The following SLC25A19 variants were observed in gnomAD, a reference collection of about 807,000 sequenced individuals.
The protein encoded by SLC25A19 is mitochondrial thiamine pyrophosphate carrier.
Under a neutral mutation model 27.9 loss-of-function variants are expected in SLC25A19, and 18 were observed. The ratio of observed to expected loss-of-function variants is 0.64; its 90% CI spans 0.45 to 0.96. SLC25A19 has a LOEUF of 0.96. SLC25A19 is among the 40% of genes least tolerant of loss of function. SLC25A19 has a pLI of 0.00. For synonymous variants in SLC25A19, 169 were observed against 167.1 expected (o/e 1.01, Z -0.09); for missense variants, 371 against 418.3 (o/e 0.89, Z 0.99).
At chr17:75,276,583 G>C (rs113551905) in intron 7 of SLC25A19, among the ~76,000 whole-genome samples, 17,329 of 148,986 alleles carry the variant, frequency 0.12, 3,004 homozygotes, top group African/African-American at 0.36. Flanking sequence ...GATCAGGCTG[G>C]TCTAGAACTC....
Position 75,284,633 on chromosome 17 carries a change from C to CATTTTT in SLC25A19, c.289-1041_289-1040insAAAAAT, listed in dbSNP as rs776356552. Among the ~76,000 whole-genome samples the CATTTTT allele has an allele frequency of 1.9e-4, 21 of 112,292 alleles. 8 individuals carry two copies. The highest frequency in any genetic ancestry group is 1.4e-4 in the Non-Finnish European group (8 of 55,872). 73.7% of individuals were successfully genotyped at this position (112,292 alleles called of 152,430 possible). A position where few individuals can be genotyped will look rare whatever the true frequency, so the allele number is the denominator to read the frequency against. On this transcript the variant is annotated intron_variant, in intron 4 of 7. Coordinates refer to ENST00000416858, the MANE Select transcript of SLC25A19 (RefSeq NM_001126121.2). ...GTGACCCCCTTACATTCAGATCTTT[C>CATTTTT]TTTTTTTTTTTTTTTTTTTTTTTTT...
intron 7 of SLC25A19, among the ~76,000 whole-genome samples, chr17:75,276,534 A>ATTTTTTTGT (rs879613731): frequency 0.016 from 2,367 of 147,816 alleles, 63 homozygotes; most frequent in Middle Eastern, 0.043. Context: ...TACCCAGCTA[A>ATTTTTTTGT]TTTTTATATT....
rs376242750 is a variant in SLC25A19 at position 75,283,535 on chromosome 17, C to T, written c.347G>A (p.Arg116Gln). Residue 116 changes from arginine (R) to glutamine (Q), a missense_variant, in exon 5 of 8, where the codon CGG becomes CAG. Physicochemically the swap from Arg to Gln is conservative, Grantham distance 43 (BLOSUM62 1). Coordinates refer to ENST00000416858, the MANE Select transcript of SLC25A19 (RefSeq NM_001126121.2). Reference protein sequence around the residue: ...LVHRGSVYDAREFSVHFVCGG... With the variant: ...LVHRGSVYDAQEFSVHFVCGG... ...ACATACAAAGTGCACTGAGAATTCC[C>T]GGGCGTCATACACGCTGCCTCTGTG... is the stretch of plus-strand genomic sequence containing the variant. 3.7e-6 allele frequency: 6 copies of T among 1,613,644 alleles called. No homozygotes were observed. The highest frequency in any genetic ancestry group is 2.2e-5 in the East Asian group (1 of 44,870).
chr17:75,279,508 T>G (rs74357323), intron 5 of SLC25A19, among the ~76,000 whole-genome samples: 2 of 25,440 alleles, frequency 7.9e-5, no homozygotes, highest in African/African-American at 1.4e-4. Flanking sequence ...GCTATTATCT[T>G]TTTTTTTTTT....
chr17:75,286,400 C>T lies in SLC25A19; in HGVS notation c.192G>A (p.Gln64=), dbSNP rs770003602. Residue 64 remains glutamine (Q), a synonymous_variant, in exon 4 of 8, where the codon CAG becomes CAA. Transcript: ENST00000416858. Reference sequence around the variant, plus strand: ...CCTCCTGCAGAATCTGCCTAGAGGCCTGGAGGATGCCATGGTACTTTGCGC... The same window carrying T: ...CCTCCTGCAGAATCTGCCTAGAGGCTTGGAGGATGCCATGGTACTTTGCGC... ...DPSAKYHGIL[Q]ASRQILQEEG... The T allele has an allele frequency of 6.2e-7, 1 of 1,614,198 alleles. No homozygotes were observed. The highest frequency in any genetic ancestry group is 1.7e-5 in the Admixed American group (1 of 60,020).
chr17:75,278,451 C>T (rs930557297), intron 5 of SLC25A19, 116 bp from the exon 6 acceptor site: 20 of 1,150,076 alleles, frequency 1.7e-5, no homozygotes, highest in East Asian at 9.9e-5. Context: ...GAAACTCCTC[C>T]TGCCAGGAAG....
rs139923109 is a variant in SLC25A19 at position 75,286,786 on chromosome 17, T to C, written c.-22A>G. On this transcript the variant is annotated 5_prime_UTR_variant, in exon 3 of 8. Transcript: ENST00000416858. ...CCATCCCTGCCTCTGGCCCACACAA[T>C]GTCCATCAGTATCAAGCTAAATGCA... 113 of 1,613,984 alleles carry C rather than the reference T, an allele frequency of 7.0e-5. 3 individuals carry two copies. In the African/African-American group the frequency reaches 1.1e-3, roughly 16 times the overall value.
At chr17:75,283,365 C>T in intron 5 of SLC25A19, 58 bp downstream of exon 5, 1 of 1,519,936 alleles carries the variant, frequency 6.6e-7, no homozygotes. Flanking sequence ...AAGAATGCTA[C>T]CCCTGTGACA....
chr17:75,285,753 G>A (rs2078165105), intron 4 of SLC25A19, among the ~76,000 whole-genome samples: 1 of 152,250 alleles, frequency 6.6e-6, no homozygotes, highest in South Asian at 2.1e-4. Context: ...GCTTCCAACA[G>A]GGGCCTGGCC....
At position 75,273,263 on chromosome 17, in the gene SLC25A19, CCT is replaced by C. The variant is rs2077773538; in HGVS notation, c.*186_*187del. 8.1e-6 allele frequency: 5 copies of C among 620,444 alleles called. No homozygotes were observed. The East Asian group carries it at 1.4e-4, about 17-fold the overall frequency. The allele number at this position is 620,444 out of a possible 1,614,324, so 38.4% of individuals were successfully genotyped here. ...TCACCATAGACCACGTCCTGCATTC[CCT>C]CTGATTCTCTCATGGGGAGAGCCCT... On this transcript the variant is annotated 3_prime_UTR_variant, in exon 8 of 8. Coordinates refer to ENST00000416858, the MANE Select transcript of SLC25A19 (RefSeq NM_001126121.2).
intron 7 of SLC25A19, among the ~76,000 whole-genome samples, chr17:75,274,973 CTTTTTTTTTTTT>C (rs67040059): frequency 1.1e-3 from 52 of 47,192 alleles, no homozygotes; most frequent in South Asian, 4.5e-3. Context: ...GGATTTTGGT[CTTTTTTTTTTTT>C]TTTTTTTTTT....
rs554218525 is a variant in SLC25A19, at chr17:75,278,325, G to A, written c.470C>T (p.Thr157Met). ...AAQGEPKVYN[T>M]LRHAVGTMYR... ...CATGGTCCCCACGGCGTGGCGCAGC[G>A]TATTATAGACCTGGACACACACACG... Residue 157 changes from threonine to methionine, a missense_variant, in exon 6 of 8, where the codon ACG becomes ATG. By Grantham distance (81) the Thr-to-Met change is moderately conservative. Transcript: ENST00000416858. The A allele has an allele frequency of 7.4e-6, 12 of 1,613,946 alleles. No individual in the cohort carries two copies. The highest frequency in any genetic ancestry group is 6.7e-5 in the East Asian group (3 of 44,886).
At chr17:75,283,346 T>A (rs2078095013) in intron 5 of SLC25A19, 77 bp downstream of exon 5, 4 of 1,352,750 alleles carry the variant, frequency 3.0e-6, no homozygotes, top group Non-Finnish European at 4.0e-6. Context: ...AATAAATAAA[T>A]AAAAAATAAA....
At chr17:75,277,526 G>A (rs375536748) in intron 6 of SLC25A19, 43 bp from the exon 7 acceptor site, 30 of 1,611,496 alleles carry the variant, frequency 1.9e-5, no homozygotes, top group Non-Finnish European at 2.5e-5. Context: ...TGAGAGAAAT[G>A]CAGTCTATGG....
intron 7 of SLC25A19, among the ~76,000 whole-genome samples, chr17:75,275,741 G>T (rs2077867643): frequency 6.6e-6 from 1 of 152,104 alleles, no homozygotes; most frequent in Admixed American, 6.6e-5. Context: ...GATCAACTGA[G>T]GTCAGGAGTT....
In SLC25A19 at chr17:75,282,333, C is replaced by T. The variant is rs371898720; in HGVS notation, c.459+1090G>A. On this transcript the variant is annotated intron_variant, in intron 5 of 7. Transcript: ENST00000416858. Reference sequence around the variant, plus strand: ...TGGGAGGCCGAGGCGGGTGGATCACCTGAGATCAGGAGTTCAAGACCAGCC... The same window carrying T: ...TGGGAGGCCGAGGCGGGTGGATCACTTGAGATCAGGAGTTCAAGACCAGCC... Among the ~76,000 whole-genome samples, 2 of 149,430 alleles carry T rather than the reference C, an allele frequency of 1.3e-5. 1 individual carries two copies. Among genetic ancestry groups the T allele is most frequent in the African/African-American group, 4.9e-5 (2 of 40,530 alleles).
rs757503043 is a variant in SLC25A19 at position 75,284,396 on chromosome 17, C to T, written c.289-803G>A. 6.6e-4 allele frequency among the ~76,000 whole-genome samples: 100 copies of T among 152,272 alleles called. No individual in the cohort carries two copies. The Middle Eastern group carries it at 0.014, about 21-fold the overall frequency. On this transcript the variant is annotated intron_variant, in intron 4 of 7. Coordinates refer to ENST00000416858, the MANE Select transcript of SLC25A19 (RefSeq NM_001126121.2). ...CCAGCCTGGGCAACAGAGTGAGACT[C>T]TGTCTCAAGAAAAAATAAAAAAGAT...
rs760452046 is a variant in SLC25A19, at chr17:75,278,298, T to A, written c.497A>T (p.Tyr166Phe). The change falls in exon 6 of 8, where the codon TAT becomes TTT. Residue 166 changes from tyrosine (Y) to phenylalanine (F), a missense_variant. Tyr to Phe is a conservative substitution (Grantham distance 22). Transcript: ENST00000416858. ...NTLRHAVGTM[Y>F]RSEGPQVFYK... is the part of the protein sequence containing the mutation. Reference sequence around the variant, plus strand: ...GAAAACCTGGGGGCCTTCGCTCCTATACATGGTCCCCACGGCGTGGCGCAG... The same window carrying A: ...GAAAACCTGGGGGCCTTCGCTCCTAAACATGGTCCCCACGGCGTGGCGCAG... 4 of 1,614,110 alleles carry A rather than the reference T, an allele frequency of 2.5e-6. No homozygotes were observed. The highest frequency in any genetic ancestry group is 3.4e-6 in the Non-Finnish European group (4 of 1,180,022).
chr17:75,281,423 G>C (rs549285121), intron 5 of SLC25A19, among the ~76,000 whole-genome samples: 2 of 152,134 alleles, frequency 1.3e-5, no homozygotes, highest in African/African-American at 4.8e-5. Context: ...TTGGCCGGGC[G>C]TGGTGGCTCA....
Sources: gnomAD v4.1 joint callset for allele counts (sites outside exome capture counted in the v4.1 genomes callset) on GRCh38, gnomAD v4.1.1 for gene constraint, MANE v1.5 for transcripts, NCBI Gene and HGNC (gene_info 2026-07-23, HGNC 2026-07-21) for gene names.